Variants in CHCHD3 observed in about 807,000 individuals in gnomAD.
CHCHD3 encodes the protein MICOS complex subunit MIC19.
Under a neutral mutation model 38.2 loss-of-function variants are expected in CHCHD3, and 20 were observed. The ratio of observed to expected loss-of-function variants is 0.52; its 90% CI spans 0.37 to 0.76. The LOEUF (loss-of-function observed/expected upper bound fraction) is 0.76, where lower values mean the gene tolerates loss of function less well. Among genes scored for constraint, CHCHD3 ranks in the 30% least tolerant of loss-of-function variants. The pLI is 0.00. For missense variants in CHCHD3, 245 were observed against 279.2 expected (o/e 0.88, Z 0.87); for synonymous variants, 82 against 100.0 (o/e 0.82, Z 1.07).
At chr7:132,892,822 T>C (rs1809398325) in intron 4 of CHCHD3, among the ~76,000 whole-genome samples, 1 of 152,210 alleles carries the variant, frequency 6.6e-6, no homozygotes, top group African/African-American at 2.4e-5. Context: ...TCATGTGATG[T>C]TGGGCCTGCA....
chr7:132,916,287 C>T (rs1810103993), intron 4 of CHCHD3, among the ~76,000 whole-genome samples: 1 of 152,132 alleles, frequency 6.6e-6, no homozygotes, highest in African/African-American at 2.4e-5. Flanking sequence ...AGAAATATAA[C>T]TAAATTGCTC....
intron 3 of CHCHD3, among the ~76,000 whole-genome samples, chr7:133,013,679 T>C (rs189115989): frequency 6.6e-6 from 1 of 152,198 alleles, no homozygotes; most frequent in Non-Finnish European, 1.5e-5. Flanking sequence ...TCACAATATA[T>C]GACTGAGTAG....
chr7:133,063,672 GAA>G (rs1357023649), intron 2 of CHCHD3, among the ~76,000 whole-genome samples: 1 of 152,104 alleles, frequency 6.6e-6, no homozygotes, highest in Non-Finnish European at 1.5e-5. Flanking sequence ...ATATCAATAA[GAA>G]AACCAGCACT....
At chr7:133,049,755 T>C (rs1251372992) in intron 2 of CHCHD3, among the ~76,000 whole-genome samples, 2 of 152,220 alleles carry the variant, frequency 1.3e-5, no homozygotes, top group African/African-American at 4.8e-5. Context: ...ATTAATACAA[T>C]TAGAGAATAA....
At chr7:132,952,839 G>A (rs1482620403) in intron 4 of CHCHD3, among the ~76,000 whole-genome samples, 1 of 152,196 alleles carries the variant, frequency 6.6e-6, no homozygotes. Flanking sequence ...AAAGAATTAT[G>A]ACAACAGGGA....
chr7:133,007,494 G>C (rs186424434), intron 3 of CHCHD3, among the ~76,000 whole-genome samples: 1 of 152,274 alleles, frequency 6.6e-6, no homozygotes, highest in East Asian at 1.9e-4. Context: ...CTAGCAAGCA[G>C]GTCAGTGTCC....
At chr7:133,023,951 T>C (rs1377230131) in intron 3 of CHCHD3, among the ~76,000 whole-genome samples, 1 of 152,194 alleles carries the variant, frequency 6.6e-6, no homozygotes, top group African/African-American at 2.4e-5. Flanking sequence ...TAGCTGTTGT[T>C]AGTAGTATTA....
intron 6 of CHCHD3, among the ~76,000 whole-genome samples, chr7:132,814,568 G>C (rs2117056825): frequency 6.6e-6 from 1 of 152,330 alleles, no homozygotes; most frequent in South Asian, 2.1e-4. Context: ...CACCATGGCT[G>C]AATGCAAAGA....
chr7:132,815,884 CA>C (rs1247974763), intron 6 of CHCHD3, among the ~76,000 whole-genome samples: 1 of 152,188 alleles, frequency 6.6e-6, no homozygotes, highest in East Asian at 1.9e-4. Flanking sequence ...AAGCCAGTGA[CA>C]GACATCACTA....
At chr7:132,961,669 G>T in intron 4 of CHCHD3, among the ~76,000 whole-genome samples, 1 of 152,162 alleles carries the variant, frequency 6.6e-6, no homozygotes, top group East Asian at 1.9e-4. Context: ...GTATACAATA[G>T]AGTATTATTA....
chr7:132,962,733 G>C (rs1811352362), intron 4 of CHCHD3, among the ~76,000 whole-genome samples: 1 of 152,138 alleles, frequency 6.6e-6, no homozygotes, highest in South Asian at 2.1e-4. Context: ...TAATCTATAG[G>C]TCTGAATGAA....
chr7:132,815,714 T>C (rs1461514913), intron 6 of CHCHD3: 2 of 340,652 alleles, frequency 5.9e-6, no homozygotes, highest in African/African-American at 4.4e-5. Context: ...CGTCCTTCTT[T>C]TTTCCTTCTC....
chr7:133,080,538 C>A (rs73165605), intron 1 of CHCHD3, among the ~76,000 whole-genome samples: 70 of 152,304 alleles, frequency 4.6e-4, no homozygotes, highest in Non-Finnish European at 6.8e-4. Context: ...GAGTTGCGTA[C>A]TGAAAGCCTA....
chr7:132,988,305 A>ACC (rs1400374372), intron 3 of CHCHD3, among the ~76,000 whole-genome samples: 1 of 151,800 alleles, frequency 6.6e-6, no homozygotes, highest in Non-Finnish European at 1.5e-5. Flanking sequence ...ACACACCCAC[A>ACC]CACACACACA....
At chr7:132,857,222 C>T (rs982097298) in intron 5 of CHCHD3, among the ~76,000 whole-genome samples, 1 of 152,034 alleles carries the variant, frequency 6.6e-6, no homozygotes, top group Admixed American at 6.5e-5. Flanking sequence ...GGAAGAGAGG[C>T]TGTCTTATTA....
chr7:132,832,147 T>C (rs1807666463), intron 6 of CHCHD3, among the ~76,000 whole-genome samples: 1 of 152,182 alleles, frequency 6.6e-6, no homozygotes, highest in African/African-American at 2.4e-5. Flanking sequence ...ATTTACAAAA[T>C]CCATTTTATC....
intron 4 of CHCHD3, among the ~76,000 whole-genome samples, chr7:132,935,136 T>G (rs1361049633): frequency 6.6e-6 from 1 of 152,150 alleles, no homozygotes; most frequent in African/African-American, 2.4e-5. Context: ...TGCCTCAGAA[T>G]CCAATCACTC....
In CHCHD3 at chr7:132,795,381, C is replaced by A. The variant is rs1292872926; in HGVS notation, c.660+1061G>T. On this transcript the variant is annotated intron_variant, in intron 7 of 7. Transcript: ENST00000262570. ...GACCTTTAATGAAAAGGATCCCTGGCATACTACTAAGAGTTATACAAGTGC... is the reference window on the plus strand; with the variant it reads ...GACCTTTAATGAAAAGGATCCCTGGAATACTACTAAGAGTTATACAAGTGC... 2.0e-5 allele frequency among the ~76,000 whole-genome samples: 3 copies of A among 152,140 alleles called. No homozygotes were observed. The East Asian group carries it at 5.8e-4, about 29-fold the overall frequency.
intron 4 of CHCHD3, among the ~76,000 whole-genome samples, chr7:132,905,662 A>G (rs1287386763): frequency 2.0e-5 from 3 of 152,164 alleles, no homozygotes; most frequent in African/African-American, 7.2e-5. Context: ...CAAAAATAGA[A>G]ATCCTTAATA....
Sources: gnomAD v4.1 joint callset for allele counts (sites outside exome capture counted in the v4.1 genomes callset) on GRCh38, gnomAD v4.1.1 for gene constraint, MANE v1.5 for transcripts, NCBI Gene and HGNC (gene_info 2026-07-23, HGNC 2026-07-21) for gene names.